Variants in CFAP299 observed in about 807,000 individuals in gnomAD.
CFAP299 encodes cilia- and flagella-associated protein 299.
Under a neutral mutation model 27.0 loss-of-function variants are expected in CFAP299, and 21 were observed. The ratio of observed to expected loss-of-function variants is 0.78; its 90% CI spans 0.55 to 1.12. CFAP299 has a LOEUF of 1.12. Among genes scored for constraint, CFAP299 ranks in the 50% most tolerant of loss-of-function variants. The pLI, the probability that CFAP299 is intolerant of heterozygous loss-of-function variation, is 0.00. For synonymous variants in CFAP299, 104 were observed against 98.1 expected (o/e 1.06, Z -0.36); for missense variants, 310 against 276.6 (o/e 1.12, Z -0.86).
At chr4:80,738,966 C>T (rs1724086810) in intron 3 of CFAP299, among the ~76,000 whole-genome samples, 1 of 151,786 alleles carries the variant, frequency 6.6e-6, no homozygotes, top group Non-Finnish European at 1.5e-5. Flanking sequence ...TCTTATAACC[C>T]ATTATTTTGA....
At chr4:80,838,666 C>G (rs902432642) in intron 3 of CFAP299, among the ~76,000 whole-genome samples, 1 of 152,010 alleles carries the variant, frequency 6.6e-6, no homozygotes, top group Non-Finnish European at 1.5e-5. Flanking sequence ...GTTAATGTAG[C>G]CTTATAGTGT....
chr4:80,526,173 G>A (rs192257243), intron 2 of CFAP299, among the ~76,000 whole-genome samples: 25 of 152,134 alleles, frequency 1.6e-4, no homozygotes, highest in South Asian at 4.2e-4. Context: ...TTCTTGCTCT[G>A]GTCTCTCAAG....
chr4:80,835,292 G>T (rs1730502399), intron 3 of CFAP299, among the ~76,000 whole-genome samples: 1 of 151,936 alleles, frequency 6.6e-6, no homozygotes, highest in Admixed American at 6.6e-5. Context: ...TAGAGACGGG[G>T]TTTCACCATG....
chr4:80,588,916 C>T (rs1456796017), intron 3 of CFAP299, among the ~76,000 whole-genome samples: 2 of 152,008 alleles, frequency 1.3e-5, no homozygotes, highest in African/African-American at 4.8e-5. Flanking sequence ...TTTTGAGGCA[C>T]GAAGAGGTTG....
intron 2 of CFAP299, among the ~76,000 whole-genome samples, chr4:80,367,606 G>C (rs540370055): frequency 6.6e-6 from 1 of 152,270 alleles, no homozygotes; most frequent in South Asian, 2.1e-4. Context: ...GGGGGATAGA[G>C]TCGATTCTTC....
At chr4:80,418,067 G>A (rs549784754) in intron 2 of CFAP299, among the ~76,000 whole-genome samples, 2 of 152,272 alleles carry the variant, frequency 1.3e-5, no homozygotes, top group Non-Finnish European at 2.9e-5. Context: ...AGCAGCATAA[G>A]TGGACAAAGC....
chr4:80,714,927 C>G (rs1450715430), intron 3 of CFAP299, among the ~76,000 whole-genome samples: 1 of 152,004 alleles, frequency 6.6e-6, no homozygotes, highest in East Asian at 1.9e-4. Context: ...AAAAAAATAT[C>G]AATTCTGACA....
chr4:80,752,516 T>G (rs921217228), intron 3 of CFAP299, among the ~76,000 whole-genome samples: 6 of 149,592 alleles, frequency 4.0e-5, no homozygotes, highest in African/African-American at 1.5e-4. Context: ...CTTTTCCTTT[T>G]AATATATTTA....
chr4:80,495,230 T>C (rs963701627), intron 2 of CFAP299, among the ~76,000 whole-genome samples: 2 of 152,174 alleles, frequency 1.3e-5, no homozygotes, highest in African/African-American at 4.8e-5. Context: ...AGAAAAACTA[T>C]TGAATTTGGT....
chr4:80,880,145 AG>A (rs1045671804), intron 4 of CFAP299, among the ~76,000 whole-genome samples: 52 of 152,082 alleles, frequency 3.4e-4, no homozygotes, highest in African/African-American at 1.2e-3. Context: ...GCGGGGAGAA[AG>A]GGGGGGAGAG....
chr4:80,586,574 T>C (rs1321613337), intron 3 of CFAP299, among the ~76,000 whole-genome samples: 1 of 152,146 alleles, frequency 6.6e-6, no homozygotes, highest in Non-Finnish European at 1.5e-5. Flanking sequence ...CAAACCGCTT[T>C]ACTATTTGCC....
At chr4:80,467,031 A>G (rs1028104739) in intron 2 of CFAP299, among the ~76,000 whole-genome samples, 3 of 152,184 alleles carry the variant, frequency 2.0e-5, no homozygotes, top group Non-Finnish European at 4.4e-5. Flanking sequence ...CTATGGAGCT[A>G]TGGTCTTGAA....
At chr4:80,891,376 CAAT>C (rs1734264775) in intron 4 of CFAP299, among the ~76,000 whole-genome samples, 2 of 151,704 alleles carry the variant, frequency 1.3e-5, no homozygotes, top group African/African-American at 4.8e-5. Flanking sequence ...AAATGTCCAA[CAAT>C]GATAGACTGG....
At chr4:80,642,088 G>T (rs2109959931) in intron 3 of CFAP299, among the ~76,000 whole-genome samples, 1 of 152,318 alleles carries the variant, frequency 6.6e-6, no homozygotes, top group East Asian at 1.9e-4. Flanking sequence ...TGAGGAGTTT[G>T]TATTTCATCT....
chr4:80,532,040 G>A (rs377532594), intron 2 of CFAP299, among the ~76,000 whole-genome samples: 4 of 152,132 alleles, frequency 2.6e-5, no homozygotes, highest in Non-Finnish European at 4.4e-5. Context: ...ACAGGCGTGA[G>A]CCACTCCGCC....
At chr4:80,684,681 TTTG>T (rs1553948532) in intron 3 of CFAP299, among the ~76,000 whole-genome samples, 1 of 152,136 alleles carries the variant, frequency 6.6e-6, no homozygotes, top group South Asian at 2.1e-4. Flanking sequence ...AAATCTTTTT[TTTG>T]TTGTTGTTGT....
intron 3 of CFAP299, among the ~76,000 whole-genome samples, chr4:80,868,859 T>C (rs1287672635): frequency 6.6e-6 from 1 of 151,604 alleles, no homozygotes; most frequent in Non-Finnish European, 1.5e-5. Context: ...ATTTGGGATA[T>C]TTTTCTTTTT....
intron 3 of CFAP299, among the ~76,000 whole-genome samples, chr4:80,704,008 T>A (rs329397): frequency 0.71 from 107,706 of 151,552 alleles, 41,491 homozygotes; most frequent in Non-Finnish European, 0.85. Context: ...TTTTATTTTT[T>A]GCCTTTATGG....
upstream of CFAP299, among the ~76,000 whole-genome samples, chr4:80,331,405 C>A (rs1255654463): frequency 4.6e-5 from 7 of 152,098 alleles, no homozygotes; most frequent in East Asian, 1.3e-3. Context: ...CAAACACTAA[C>A]TACATTTTGA....
Sources: gnomAD v4.1 joint callset for allele counts (sites outside exome capture counted in the v4.1 genomes callset) on GRCh38, gnomAD v4.1.1 for gene constraint, MANE v1.5 for transcripts, NCBI Gene and HGNC (gene_info 2026-07-23, HGNC 2026-07-21) for gene names.